GNL3L: variants seen among roughly 807,000 people sequenced by gnomAD.
The protein encoded by GNL3L is guanine nucleotide-binding protein-like 3-like protein.
In GNL3L, 4 loss-of-function variants were observed where a neutral mutation model predicts 42.9. That is an observed-to-expected ratio of 0.09 (90% confidence interval 0.05 to 0.21). GNL3L has a LOEUF of 0.21. Ranked by LOEUF, GNL3L falls within the 10% of genes least tolerant of loss-of-function variation. The pLI, the probability that GNL3L is intolerant of heterozygous loss-of-function variation, is 1.00. For synonymous variants in GNL3L, 159 were observed against 176.3 expected (o/e 0.90, Z 0.78); for missense variants, 412 against 481.7 (o/e 0.86, Z 1.36).
At chrX:54,631,850 T>C in the GNL3L span, among the ~76,000 whole-genome samples, 1 of 111,459 alleles carries the variant, frequency 9.0e-6, no homozygotes, top group African/African-American at 3.3e-5. Flanking sequence ...CATTGTGTTA[T>C]TGTTTTATAG....
chrX:54,560,425 C>A, intron 15 of GNL3L, 95 bp from the exon 16 acceptor site: 1 of 569,762 alleles, frequency 1.8e-6, no homozygotes, highest in South Asian at 2.6e-5. Flanking sequence ...AGTTCAGGAG[C>A]TTGGTGTAGA....
At chrX:54,620,002 ATAG>A (rs780315770) in intron 16 of GNL3L, among the ~76,000 whole-genome samples, 2 of 111,218 alleles carry the variant, frequency 1.8e-5, no homozygotes, top group African/African-American at 3.3e-5. Flanking sequence ...TTGTGGGTAC[ATAG>A]TAGGTGTATA....
At chrX:54,643,957 A>G in the GNL3L span, among the ~76,000 whole-genome samples, 1 of 112,263 alleles carries the variant, frequency 8.9e-6, no homozygotes, top group East Asian at 2.8e-4. Flanking sequence ...CTCTTTTTGT[A>G]TGGCTGAATA....
downstream of GNL3L, among the ~76,000 whole-genome samples, chrX:54,622,694 C>T (rs1311228120): frequency 1.8e-5 from 2 of 111,133 alleles, no homozygotes; most frequent in African/African-American, 6.6e-5. Context: ...CTTGGTAATG[C>T]CCTTTCATGC....
At chrX:54,629,924 A>C in the GNL3L span, among the ~76,000 whole-genome samples, 2 of 111,352 alleles carry the variant, frequency 1.8e-5, no homozygotes, top group African/African-American at 6.5e-5. Context: ...TTTTCATTTC[A>C]ATCTCACTGC....
intron 16 of GNL3L, among the ~76,000 whole-genome samples, chrX:54,578,234 C>T (rs1925662084): frequency 1.8e-5 from 2 of 111,762 alleles, no homozygotes; most frequent in South Asian, 3.7e-4. Flanking sequence ...TGAAATATTG[C>T]TTCTGCTGGA....
intron 8 of GNL3L, among the ~76,000 whole-genome samples, chrX:54,544,924 T>A (rs757704382): frequency 8.9e-6 from 1 of 111,951 alleles, no homozygotes; most frequent in African/African-American, 3.2e-5. Flanking sequence ...GTTTGTTTAT[T>A]TATTTATTTG....
chrX:54,593,753 T>G (rs1287592238), intron 16 of GNL3L, among the ~76,000 whole-genome samples: 2 of 111,367 alleles, frequency 1.8e-5, no homozygotes, highest in African/African-American at 3.3e-5. Context: ...ACTTCCCCTC[T>G]TAGCACGGCT....
At chrX:54,631,584 C>G in the GNL3L span, among the ~76,000 whole-genome samples, 1 of 111,627 alleles carries the variant, frequency 9.0e-6, no homozygotes, top group African/African-American at 3.3e-5. Context: ...AGAATAGCTA[C>G]TCCTGCTCGC....
intron 16 of GNL3L, among the ~76,000 whole-genome samples, chrX:54,607,072 C>T (rs56400281): frequency 0.014 from 321 of 22,771 alleles, 28 homozygotes; most frequent in African/African-American, 0.046. Flanking sequence ...TTCTTTCTTT[C>T]TCTTTCTTTC....
chrX:54,633,672 G>T, the GNL3L span, among the ~76,000 whole-genome samples: 3 of 110,756 alleles, frequency 2.7e-5, no homozygotes, highest in African/African-American at 9.9e-5. Flanking sequence ...CATACAGGTT[G>T]CCAGGGAAGT....
At chrX:54,588,567 G>A (rs1291428412) in intron 16 of GNL3L, among the ~76,000 whole-genome samples, 1 of 111,587 alleles carries the variant, frequency 9.0e-6, no homozygotes, top group Non-Finnish European at 1.9e-5. Flanking sequence ...GCTCACGCCT[G>A]TAATCTCAGC....
chrX:54,635,556 T>C, the GNL3L span, among the ~76,000 whole-genome samples: 2 of 111,253 alleles, frequency 1.8e-5, no homozygotes, highest in Admixed American at 1.9e-4. Flanking sequence ...TTCTCCTTTT[T>C]CCTCTGAGTT....
intron 16 of GNL3L, among the ~76,000 whole-genome samples, chrX:54,597,088 C>T (rs745771088): frequency 1.8e-5 from 2 of 111,222 alleles, no homozygotes; most frequent in African/African-American, 6.5e-5. Flanking sequence ...CTTTACTTTT[C>T]CCTCCATTTT....
intron 16 of GNL3L, among the ~76,000 whole-genome samples, chrX:54,615,592 G>A (rs759811805): frequency 1.1e-3 from 121 of 111,799 alleles, no homozygotes; most frequent in Non-Finnish European, 2.0e-3. Flanking sequence ...TGGAGACGAA[G>A]TCTTCCCCTT....
downstream of GNL3L, among the ~76,000 whole-genome samples, chrX:54,625,635 T>G (rs937073775): frequency 9.0e-6 from 1 of 110,986 alleles, no homozygotes; most frequent in Non-Finnish European, 1.9e-5. Context: ...ATTCTTTTTT[T>G]GGGCACAGTA....
chrX:54,573,625 A>C (rs1925591889), intron 16 of GNL3L, among the ~76,000 whole-genome samples: 1 of 111,268 alleles, frequency 9.0e-6, no homozygotes, highest in African/African-American at 3.3e-5. Context: ...TGCATTGTCT[A>C]GTGTGCTGTT....
intron 16 of GNL3L, among the ~76,000 whole-genome samples, chrX:54,576,241 T>C (rs989147031): frequency 3.6e-5 from 4 of 112,191 alleles, no homozygotes; most frequent in African/African-American, 9.7e-5. Context: ...TCATGACAAA[T>C]TGACCTTTTT....
intron 16 of GNL3L, among the ~76,000 whole-genome samples, chrX:54,581,788 C>T (rs1257833086): frequency 1.8e-5 from 2 of 111,755 alleles, no homozygotes. Context: ...TATAGATGTA[C>T]AAGTTAGCTT....
Sources: gnomAD v4.1 joint callset for allele counts (sites outside exome capture counted in the v4.1 genomes callset) on GRCh38, gnomAD v4.1.1 for gene constraint, MANE v1.5 for transcripts, NCBI Gene and HGNC (gene_info 2026-07-23, HGNC 2026-07-21) for gene names.